Variants in AMD1 observed in about 807,000 individuals in gnomAD.
The protein encoded by AMD1 is adenosylmethionine decarboxylase 1, also known as S-adenosylmethionine decarboxylase proenzyme.
Under a neutral mutation model 40.2 loss-of-function variants are expected in AMD1, and 11 were observed. That is an observed-to-expected ratio of 0.27 (90% confidence interval 0.17 to 0.45). AMD1 has a LOEUF of 0.45. AMD1 is among the 20% of genes least tolerant of loss of function. The pLI, the probability that AMD1 is intolerant of heterozygous loss-of-function variation, is 1.00. For missense variants in AMD1, 257 were observed against 410.2 expected (o/e 0.63, Z 3.23); for synonymous variants, 121 against 130.8 (o/e 0.93, Z 0.51).
chr6:110,829,016 A>G, the AMD1 span, among the ~76,000 whole-genome samples: 1 of 152,082 alleles, frequency 6.6e-6, no homozygotes, highest in African/African-American at 2.4e-5. Flanking sequence ...CTAAAAATAC[A>G]AAAATTAGCC....
chr6:110,863,927 T>A, the AMD1 span: 2 of 492,114 alleles, frequency 4.1e-6, no homozygotes, highest in African/African-American at 2.0e-5. Context: ...CAAAAAAACA[T>A]GAAGGCCAAA....
At chr6:110,872,817 G>GA (rs1191633559), upstream of AMD1, among the ~76,000 whole-genome samples, 1 of 151,998 alleles carries the variant, frequency 6.6e-6, no homozygotes, top group East Asian at 1.9e-4. Flanking sequence ...ATTGCACTGG[G>GA]AAAAAAGCAT....
At chr6:110,874,139 T>C (rs981612175), upstream of AMD1, among the ~76,000 whole-genome samples, 1 of 152,216 alleles carries the variant, frequency 6.6e-6, no homozygotes, top group Non-Finnish European at 1.5e-5. Flanking sequence ...TTTTCTCTTC[T>C]GAAATAGGAA....
the AMD1 span, among the ~76,000 whole-genome samples, chr6:110,831,113 C>T: frequency 7.9e-5 from 12 of 152,150 alleles, no homozygotes; most frequent in Non-Finnish European, 5.9e-5. Context: ...AATTTTGCAA[C>T]TCTTTTGAGG....
At chr6:110,858,316 T>A in the AMD1 span, 13 of 834,360 alleles carry the variant, frequency 1.6e-5, no homozygotes, top group Non-Finnish European at 2.5e-5. Flanking sequence ...TGTGCAAATA[T>A]GACCCCCAGA....
intron 1 of AMD1, among the ~76,000 whole-genome samples, chr6:110,886,325 G>T (rs1216335493): frequency 6.6e-6 from 1 of 151,956 alleles, no homozygotes; most frequent in South Asian, 2.1e-4. Flanking sequence ...AAAGACCAGG[G>T]TATTACTCTA....
the AMD1 span, among the ~76,000 whole-genome samples, chr6:110,865,528 G>A: frequency 3.3e-5 from 5 of 152,132 alleles, no homozygotes; most frequent in South Asian, 8.3e-4. Flanking sequence ...CGAGTAGCTC[G>A]GATTATAGGC....
the AMD1 span, among the ~76,000 whole-genome samples, chr6:110,835,646 A>G: frequency 6.6e-6 from 1 of 152,060 alleles, no homozygotes; most frequent in South Asian, 2.1e-4. Flanking sequence ...CGGGCAGATC[A>G]CCTGAGGTCA....
At chr6:110,840,010 TCTC>T in the AMD1 span, among the ~76,000 whole-genome samples, 1 of 142,730 alleles carries the variant, frequency 7.0e-6, no homozygotes, top group African/African-American at 2.6e-5. Flanking sequence ...CAGGATTCTC[TCTC>T]TTTTTTTTTT....
chr6:110,867,197 G>T, the AMD1 span, among the ~76,000 whole-genome samples: 2 of 151,124 alleles, frequency 1.3e-5, no homozygotes, highest in African/African-American at 4.9e-5. Context: ...GCCTAGGCTG[G>T]AGTACAGTGG....
intron 1 of AMD1, among the ~76,000 whole-genome samples, chr6:110,877,093 T>C (rs936700535): frequency 6.6e-6 from 1 of 152,234 alleles, no homozygotes; most frequent in Non-Finnish European, 1.5e-5. Context: ...GCCCAAATTG[T>C]TTTACTGCTC....
chr6:110,887,171 A>G (rs979383058), intron 1 of AMD1, among the ~76,000 whole-genome samples: 1 of 152,104 alleles, frequency 6.6e-6, no homozygotes, highest in African/African-American at 2.4e-5. Flanking sequence ...AAATCTGCAC[A>G]TTTTATAGAC....
Position 110,875,027 on chromosome 6 carries a change from C to G in AMD1, c.-79C>G. Reference sequence around the variant, plus strand: ...GTAACACAGCTGGAACAATCCGCAGCGGCGGCGGCAGCGGCGGGAGAAGAG... The same window carrying G: ...GTAACACAGCTGGAACAATCCGCAGGGGCGGCGGCAGCGGCGGGAGAAGAG... On this transcript the variant is annotated 5_prime_UTR_variant, in exon 1 of 9. Transcript: ENST00000368885. 9.0e-7 allele frequency: 1 copy of G among 1,115,288 alleles called. No individual in the cohort carries two copies. 69.1% of individuals were successfully genotyped at this position (1,115,288 alleles called of 1,614,324 possible).
chr6:110,815,287 C>A, the AMD1 span: 1 of 896,062 alleles, frequency 1.1e-6, no homozygotes, highest in African/African-American at 1.8e-5. Flanking sequence ...CCGCGGTCCG[C>A]CTTCAGCAAG....
the AMD1 span, among the ~76,000 whole-genome samples, chr6:110,824,247 AAG>A: frequency 2.6e-5 from 4 of 152,222 alleles, no homozygotes; most frequent in East Asian, 7.7e-4. Flanking sequence ...ATTCATAAAA[AAG>A]AATGAAATAC....
At chr6:110,830,030 T>G in the AMD1 span, among the ~76,000 whole-genome samples, 7,233 of 151,590 alleles carry the variant, frequency 0.048, 181 homozygotes, top group Middle Eastern at 0.078. Context: ...TTGTTTGTTT[T>G]TTTGAGACAG....
chr6:110,887,489 T>C lies in AMD1; in HGVS notation c.111-16T>C, dbSNP rs1206052986. 1 of 1,588,422 alleles carries C rather than the reference T, an allele frequency of 6.3e-7. No individual in the cohort carries two copies. The highest frequency in any genetic ancestry group is 1.4e-5 in the African/African-American group (1 of 73,996). ...TACTATTGTGGATTAATCGTAACTT[T>C]TTTGTTAAATGATAGATCTGAGTGG... On this transcript the variant is annotated splice_polypyrimidine_tract_variant and intron_variant, in intron 1 of 8. Coordinates refer to ENST00000368885, the MANE Select transcript of AMD1 (RefSeq NM_001634.6).
chr6:110,852,475 C>G, the AMD1 span, among the ~76,000 whole-genome samples: 2 of 151,972 alleles, frequency 1.3e-5, no homozygotes, highest in Non-Finnish European at 2.9e-5. Flanking sequence ...CCATCTCAGC[C>G]TCTTAAAGTG....
chr6:110,821,921 A>G, the AMD1 span, among the ~76,000 whole-genome samples: 6 of 152,242 alleles, frequency 3.9e-5, no homozygotes, highest in African/African-American at 1.4e-4. Context: ...TAGAGATACA[A>G]GAATAAACCA....
Sources: allele counts gnomAD v4.1 joint callset (sites outside exome capture counted in the v4.1 genomes callset), GRCh38; gene constraint gnomAD v4.1.1; transcripts MANE v1.5; gene names NCBI Gene and HGNC (gene_info 2026-07-23, HGNC 2026-07-21).